The following VRK3 variants were observed in gnomAD, a reference collection of about 807,000 sequenced individuals.
VRK3 encodes serine/threonine-protein kinase VRK3.
Under a neutral mutation model 60.4 loss-of-function variants are expected in VRK3, and 50 were observed. The observed-to-expected ratio is 0.83, with a 90% confidence interval of 0.66 to 1.05. The LOEUF is 1.05. VRK3 is among the 50% of genes least tolerant of loss of function. VRK3 has a pLI of 0.00. For missense variants in VRK3, 549 were observed against 585.3 expected, an observed-to-expected ratio of 0.94 and a Z score of 0.64; for synonymous variants, 246 against 227.8, an observed-to-expected ratio of 1.08 and a Z score of -0.72.
chr19:50,022,286 C>T (rs1176954195), intron 1 of VRK3, among the ~76,000 whole-genome samples: 1 of 152,122 alleles, frequency 6.6e-6, no homozygotes. Context: ...GGAACCACGG[C>T]AAGAGAGTCT....
chr19:50,004,011 G>A (rs1302496128), intron 5 of VRK3, among the ~76,000 whole-genome samples: 1 of 152,236 alleles, frequency 6.6e-6, no homozygotes, highest in South Asian at 2.1e-4. Context: ...GACCAGCCTG[G>A]CCAACATAGT....
chr19:49,996,069 G>A (rs1423665327), intron 7 of VRK3, among the ~76,000 whole-genome samples: 3 of 151,984 alleles, frequency 2.0e-5, no homozygotes, highest in Non-Finnish European at 4.4e-5. Flanking sequence ...TCACAGGCAC[G>A]TGCCACCACA....
chr19:49,991,498 A>C (rs1032504239), intron 10 of VRK3, among the ~76,000 whole-genome samples: 4 of 150,850 alleles, frequency 2.7e-5, no homozygotes, highest in Admixed American at 2.0e-4. Flanking sequence ...TCAATAAGCC[A>C]ATTCCTTATA....
chr19:49,994,649 C>T (rs1311304674), intron 9 of VRK3, among the ~76,000 whole-genome samples, 165 bp downstream of exon 9: 1 of 152,252 alleles, frequency 6.6e-6, no homozygotes, highest in Admixed American at 6.5e-5. Context: ...GACTGACCAC[C>T]CATCATCTCG....
intron 1 of VRK3, among the ~76,000 whole-genome samples, chr19:50,024,685 C>T (rs772821263): frequency 6.6e-6 from 1 of 152,174 alleles, no homozygotes; most frequent in African/African-American, 2.4e-5. Flanking sequence ...ACGGAGCCTT[C>T]CATATAGTAA....
At chr19:49,995,735 A>G (rs1423028723) in intron 7 of VRK3, among the ~76,000 whole-genome samples, 1 of 152,114 alleles carries the variant, frequency 6.6e-6, no homozygotes, top group African/African-American at 2.4e-5. Context: ...CCTGATGGGT[A>G]GCATTTGCTA....
intron 6 of VRK3, chr19:49,999,187 T>A (rs1568793590): frequency 6.6e-6 from 1 of 152,198 alleles, no homozygotes; most frequent in East Asian, 1.9e-4. Flanking sequence ...GACTGTCACA[T>A]AATAGGTTCT....
chr19:50,024,373 T>C (rs116337357), intron 1 of VRK3, among the ~76,000 whole-genome samples: 1,530 of 152,366 alleles, frequency 0.01, 23 homozygotes, highest in African/African-American at 0.035. Flanking sequence ...AGAGTGGGTA[T>C]TGCCAGCAAA....
intron 1 of VRK3, among the ~76,000 whole-genome samples, chr19:50,023,186 T>C (rs2077198751): frequency 6.6e-6 from 1 of 152,218 alleles, no homozygotes; most frequent in Non-Finnish European, 1.5e-5. Flanking sequence ...TACTGTGTTT[T>C]TTCTTTTCTT....
chr19:49,983,334 T>C (rs966010057), intron 12 of VRK3, among the ~76,000 whole-genome samples: 16 of 152,280 alleles, frequency 1.1e-4, no homozygotes, highest in African/African-American at 3.8e-4. Flanking sequence ...CAGGTGGCTG[T>C]TCTCCCTTTG....
chr19:49,982,017 G>T, intron 12 of VRK3: 1 of 654,250 alleles, frequency 1.5e-6, no homozygotes, highest in South Asian at 1.7e-5. Flanking sequence ...GTCTGTGGCT[G>T]ACTCAAAGGG....
intron 5 of VRK3, among the ~76,000 whole-genome samples, chr19:50,004,851 A>T (rs2076868405): frequency 6.6e-6 from 1 of 151,970 alleles, no homozygotes; most frequent in South Asian, 2.1e-4. Context: ...TTGAGGCTGC[A>T]GTGAGCCGTG....
chr19:49,990,359 T>C (rs2076589673), intron 10 of VRK3, among the ~76,000 whole-genome samples: 1 of 152,234 alleles, frequency 6.6e-6, no homozygotes, highest in South Asian at 2.1e-4. Flanking sequence ...GCCTGATACA[T>C]AAAGTTAACC....
At position 50,021,986 on chromosome 19, in the gene VRK3, C is replaced by T. The variant is rs905726671; in HGVS notation, c.-64-1339G>A. Among the ~76,000 whole-genome samples the T allele has an allele frequency of 2.6e-5, 4 of 152,014 alleles. No individual in the cohort carries two copies. The East Asian group carries it at 7.7e-4, about 29-fold the overall frequency. Reference sequence around the variant, plus strand: ...GCCACAAACCTCTTAAGCGGCGAGCCAGACACATGATTTTGTTTAATCTTT... The same window carrying T: ...GCCACAAACCTCTTAAGCGGCGAGCTAGACACATGATTTTGTTTAATCTTT... On this transcript the variant is annotated intron_variant, in intron 1 of 14. Coordinates refer to ENST00000316763, the MANE Select transcript of VRK3 (RefSeq NM_016440.4).
At position 49,977,937 on chromosome 19, in the gene VRK3, C is replaced by T. The variant is rs573180546; in HGVS notation, c.*11+1146G>A. On this transcript the variant is annotated intron_variant, in intron 14 of 14. Coordinates refer to ENST00000316763, the MANE Select transcript of VRK3 (RefSeq NM_016440.4). ...CACGAATCGCTTGACACACACGTGT[C>T]AGCTCAGGTTTCAGCCTCAGATGTA... Among the ~76,000 whole-genome samples the T allele has an allele frequency of 7.2e-5, 11 of 152,260 alleles. No homozygotes were observed. The East Asian group carries it at 9.7e-4, about 13-fold the overall frequency.
chr19:50,020,714 T>C (rs1323500597), intron 1 of VRK3, 67 bp from the exon 2 acceptor site: 4 of 152,360 alleles, frequency 2.6e-5, no homozygotes, highest in African/African-American at 9.6e-5. Context: ...TAATGGCTAA[T>C]GTTTACTGAG....
chr19:49,977,532 A>C (rs2076350984), intron 14 of VRK3, among the ~76,000 whole-genome samples: 1 of 152,096 alleles, frequency 6.6e-6, no homozygotes, highest in South Asian at 2.1e-4. Flanking sequence ...TCCATCGATA[A>C]ACAGGATGAA....
At chr19:49,994,754 TA>T in intron 9 of VRK3, 59 bp downstream of exon 9, 1 of 1,488,788 alleles carries the variant, frequency 6.7e-7, no homozygotes, top group East Asian at 2.3e-5. Flanking sequence ...AAGTGCCTGC[TA>T]AACTAGGATG....
chr19:50,016,952 G>A (rs972371920), intron 2 of VRK3, among the ~76,000 whole-genome samples: 1 of 151,096 alleles, frequency 6.6e-6, no homozygotes, highest in Non-Finnish European at 1.5e-5. Context: ...CGCTTTGGGA[G>A]GCCATCACAG....
Sources: allele counts gnomAD v4.1 joint callset (sites outside exome capture counted in the v4.1 genomes callset), GRCh38; gene constraint gnomAD v4.1.1; transcripts MANE v1.5; gene names NCBI Gene and HGNC (gene_info 2026-07-23, HGNC 2026-07-21).